The following SBF2 variants were observed in gnomAD, a reference collection of about 807,000 sequenced individuals.
SBF2 encodes myotubularin-related protein 13.
A neutral mutation model predicts 225.2 loss-of-function variants in SBF2; 112 were observed. That is an observed-to-expected ratio of 0.50 (90% CI 0.43 to 0.58). The LOEUF (loss-of-function observed/expected upper bound fraction) is 0.58. SBF2 is among the 20% of genes least tolerant of loss of function. SBF2 has a pLI of 0.00. For missense variants in SBF2, 1,996 were observed against 2,206.2 expected (o/e 0.90, Z 1.91); for synonymous variants, 763 against 773.3 (o/e 0.99, Z 0.22).
At chr11:10,125,021 T>C (rs1267680881) in intron 2 of SBF2, among the ~76,000 whole-genome samples, 1 of 151,236 alleles carries the variant, frequency 6.6e-6, no homozygotes, top group African/African-American at 2.4e-5. Flanking sequence ...AGGAGGAGAA[T>C]TGCTTGAACC....
intron 13 of SBF2, among the ~76,000 whole-genome samples, chr11:9,974,968 AAAAAAAAAAAAAAAAAAAAAG>A (rs1352464911): frequency 1.0e-5 from 1 of 97,030 alleles, no homozygotes; most frequent in African/African-American, 3.4e-5. Context: ...CTCAAAAAAA[AAAAAAAAAAAAAAAAAAAAAG>A]AAAAAAAGAA....
intron 1 of SBF2, among the ~76,000 whole-genome samples, 166 bp downstream of exon 1, chr11:10,293,849 C>T (rs1964333668): frequency 6.6e-6 from 1 of 152,050 alleles, no homozygotes; most frequent in African/African-American, 2.4e-5. Context: ...CCACGCCCAC[C>T]GCCAGGCTCA....
chr11:10,150,862 G>T (rs1191642656), intron 2 of SBF2, among the ~76,000 whole-genome samples: 3 of 151,820 alleles, frequency 2.0e-5, no homozygotes, highest in African/African-American at 4.8e-5. Context: ...AACAAGAATA[G>T]GAATGAAATG....
At chr11:10,065,727 G>A (rs1368205606) in intron 2 of SBF2, among the ~76,000 whole-genome samples, 2 of 152,134 alleles carry the variant, frequency 1.3e-5, no homozygotes, top group South Asian at 2.1e-4. Flanking sequence ...CAAGGCAGGT[G>A]GATCACTTGA....
chr11:10,060,516 T>C (rs557203369), intron 2 of SBF2, among the ~76,000 whole-genome samples: 1 of 152,246 alleles, frequency 6.6e-6, no homozygotes, highest in East Asian at 1.9e-4. Flanking sequence ...AAGGACTTCT[T>C]CTTAACTCAT....
At chr11:10,140,185 A>G (rs1954573717) in intron 2 of SBF2, among the ~76,000 whole-genome samples, 1 of 152,122 alleles carries the variant, frequency 6.6e-6, no homozygotes, top group Admixed American at 6.5e-5. Context: ...ACAGCTCCTA[A>G]AACCTCTGGA....
At chr11:10,201,784 T>C (rs185844104) in intron 1 of SBF2, among the ~76,000 whole-genome samples, 309 of 152,264 alleles carry the variant, frequency 2.0e-3, no homozygotes, top group African/African-American at 7.0e-3. Flanking sequence ...TCACTTGAGG[T>C]CAGGAGTTCG....
intron 16 of SBF2, among the ~76,000 whole-genome samples, chr11:9,948,553 AG>A (rs1865690095): frequency 6.6e-6 from 1 of 152,144 alleles, no homozygotes; most frequent in Non-Finnish European, 1.5e-5. Flanking sequence ...TCCTGCTGCT[AG>A]CCATTTCTTC....
chr11:10,063,330 A>T (rs540705159), intron 2 of SBF2, among the ~76,000 whole-genome samples: 1 of 82,168 alleles, frequency 1.2e-5, no homozygotes, highest in African/African-American at 3.9e-5. Context: ...TAAAAAAAAT[A>T]TATATATATA....
At chr11:10,186,120 T>A (rs1359008231) in intron 2 of SBF2, among the ~76,000 whole-genome samples, 1 of 152,210 alleles carries the variant, frequency 6.6e-6, no homozygotes, top group Non-Finnish European at 1.5e-5. Flanking sequence ...TAGAAAAAGA[T>A]ATTTATATTT....
chr11:9,823,425 C>T (rs574932487), intron 28 of SBF2, among the ~76,000 whole-genome samples: 1 of 130,256 alleles, frequency 7.7e-6, no homozygotes, highest in East Asian at 2.2e-4. Context: ...GACTGTACGA[C>T]AATGAAAAGA....
At chr11:10,260,316 C>A (rs752826840) in intron 1 of SBF2, among the ~76,000 whole-genome samples, 9 of 152,102 alleles carry the variant, frequency 5.9e-5, no homozygotes, top group Non-Finnish European at 1.0e-4. Context: ...GAGCACAATG[C>A]CACACACCTG....
At chr11:10,014,431 T>A (rs1479461783) in intron 6 of SBF2, among the ~76,000 whole-genome samples, 1 of 138,566 alleles carries the variant, frequency 7.2e-6, no homozygotes, top group African/African-American at 2.6e-5. Context: ...CCTAATAACA[T>A]CAACATACTT....
At chr11:9,804,842 C>T (rs988401655) in intron 32 of SBF2, among the ~76,000 whole-genome samples, 8 of 152,144 alleles carry the variant, frequency 5.3e-5, no homozygotes, top group African/African-American at 1.7e-4. Context: ...ATCTCTTCAT[C>T]GGTTGATGGA....
intron 30 of SBF2, among the ~76,000 whole-genome samples, chr11:9,809,734 C>T (rs892704973): frequency 2.0e-5 from 3 of 151,758 alleles, no homozygotes; most frequent in South Asian, 4.2e-4. Flanking sequence ...TTAGTAGAGA[C>T]GAGGTTTCAC....
In SBF2 at chr11:9,894,562, T is replaced by C. The variant is rs1365492841; in HGVS notation, c.1929+1381A>G. On this transcript the variant is annotated intron_variant, in intron 17 of 39. Coordinates refer to ENST00000256190, the MANE Select transcript of SBF2 (RefSeq NM_030962.4). ...AGCTGGGTGTGGTGGTGTGTGCCTGTAGTTCCAGCTACTTGGGAGGCTGAG... is the reference window on the plus strand; with the variant it reads ...AGCTGGGTGTGGTGGTGTGTGCCTGCAGTTCCAGCTACTTGGGAGGCTGAG... Among the ~76,000 whole-genome samples the C allele has an allele frequency of 1.3e-5, 2 of 151,810 alleles. 1 individual carries two copies. The highest frequency in any genetic ancestry group is 2.9e-5 in the Non-Finnish European group (2 of 67,932).
chr11:9,969,216 T>A (rs149099305), intron 13 of SBF2, among the ~76,000 whole-genome samples: 2 of 152,338 alleles, frequency 1.3e-5, no homozygotes, highest in Non-Finnish European at 2.9e-5. Flanking sequence ...GCAGATCTTG[T>A]GGACTTGACC....
intron 2 of SBF2, among the ~76,000 whole-genome samples, chr11:10,190,788 CCTTCT>C (rs1465498175): frequency 1.3e-5 from 2 of 152,114 alleles, no homozygotes; most frequent in African/African-American, 2.4e-5. Flanking sequence ...AATAACACAG[CCTTCT>C]CTTAACATTT....
intron 1 of SBF2, among the ~76,000 whole-genome samples, chr11:10,258,792 G>C (rs1232372789): frequency 1.3e-5 from 2 of 151,206 alleles, no homozygotes; most frequent in Non-Finnish European, 2.9e-5. Flanking sequence ...GATTAGTTGG[G>C]CAAATAAGAT....
Sources: allele counts gnomAD v4.1 joint callset (sites outside exome capture counted in the v4.1 genomes callset), GRCh38; gene constraint gnomAD v4.1.1; transcripts MANE v1.5; gene names NCBI Gene and HGNC (gene_info 2026-07-23, HGNC 2026-07-21).